HEATR5A: variants seen among roughly 807,000 people sequenced by gnomAD.
HEATR5A encodes HEAT repeat containing 5A, also known as HEAT repeat-containing protein 5A.
HEATR5A carries 178 observed loss-of-function variants against 218.8 expected under a neutral mutation model. That is an observed-to-expected ratio of 0.81 (90% CI 0.72 to 0.92). HEATR5A has a LOEUF of 0.92. Ranked by LOEUF, HEATR5A falls within the 40% of genes least tolerant of loss-of-function variation. The probability of loss-of-function intolerance (pLI) is 0.00; values close to 1 mark genes in which losing one functional copy is unlikely to be tolerated. For missense variants in HEATR5A, 2,420 were observed against 2,418.9 expected (o/e 1.00, Z -0.01); for synonymous variants, 864 against 871.6 (o/e 0.99, Z 0.15).
At chr14:31,366,314 G>C (rs1209159437) in intron 13 of HEATR5A, among the ~76,000 whole-genome samples, 1 of 152,086 alleles carries the variant, frequency 6.6e-6, no homozygotes, top group Non-Finnish European at 1.5e-5. Context: ...GAATTTTTTA[G>C]TTACCAAATT....
At chr14:31,393,837 C>A (rs1254600562) in intron 6 of HEATR5A, among the ~76,000 whole-genome samples, 1 of 152,038 alleles carries the variant, frequency 6.6e-6, no homozygotes, top group East Asian at 1.9e-4. Flanking sequence ...TTAGTATAGA[C>A]GGGTCTCACC....
In HEATR5A at chr14:31,388,964, C is replaced by G; in HGVS notation, c.814G>C (p.Val272Leu). The G allele has an allele frequency of 1.2e-6, 2 of 1,613,714 alleles. No homozygotes were observed. The highest frequency in any genetic ancestry group is 1.7e-6 in the Non-Finnish European group (2 of 1,179,722). The change falls in exon 7 of 36, where the codon GTT becomes CTT. Residue 272 changes from valine to leucine, a missense_variant. Val to Leu is a conservative substitution (Grantham distance 32, BLOSUM62 1). Coordinates refer to ENST00000543095, the MANE Select transcript of HEATR5A (RefSeq NM_015473.4). ...QSIRRVSLEE[V>L]LELLGTGFLR... ...AACCCTGTTCCTAGTAATTCCAGAACTTCCTCCAAAGATACTCTGCGAATG... is the reference window on the plus strand; with the variant it reads ...AACCCTGTTCCTAGTAATTCCAGAAGTTCCTCCAAAGATACTCTGCGAATG...
intron 22 of HEATR5A, among the ~76,000 whole-genome samples, chr14:31,332,719 C>T (rs1312667414): frequency 2.6e-5 from 4 of 152,094 alleles, no homozygotes; most frequent in African/African-American, 7.2e-5. Context: ...TCAAATCAGG[C>T]TCAGGCCTGT....
chr14:31,328,174 G>C (rs556669640), intron 22 of HEATR5A, among the ~76,000 whole-genome samples: 2 of 151,834 alleles, frequency 1.3e-5, no homozygotes, highest in South Asian at 4.2e-4. Flanking sequence ...GGCTGGTCTC[G>C]AACTCCTGAC....
chr14:31,351,386 A>C (rs1384813835), intron 16 of HEATR5A, among the ~76,000 whole-genome samples: 1 of 151,996 alleles, frequency 6.6e-6, no homozygotes, highest in East Asian at 1.9e-4. Context: ...CTAGCTACCC[A>C]GGAGGCTGAA....
rs1192112975 is a variant in HEATR5A at position 31,293,497 on chromosome 14, A to AT, written c.5948dup (p.Asn1983LysfsTer14). On this transcript the variant is annotated frameshift_variant, in exon 36 of 36. Transcript: ENST00000543095. LOFTEE classifies it high-confidence loss of function. ...AATACTGAGGTCCAATTTGCATGAG[A>AT]TTTTGTAGAGCAAAGTCATGTAAAT... 7 of 1,613,958 alleles carry AT rather than the reference A, an allele frequency of 4.3e-6. No homozygotes were observed. In the South Asian group the frequency reaches 6.6e-5, roughly 15 times the overall value.
chr14:31,367,985 CA>C (rs1257945691), intron 13 of HEATR5A, among the ~76,000 whole-genome samples: 1 of 151,880 alleles, frequency 6.6e-6, no homozygotes, highest in African/African-American at 2.4e-5. Flanking sequence ...TATTTAAAAA[CA>C]AAACGAAACT....
intron 1 of HEATR5A, among the ~76,000 whole-genome samples, chr14:31,405,634 A>C (rs2031035115): frequency 6.6e-6 from 1 of 152,194 alleles, no homozygotes; most frequent in African/African-American, 2.4e-5. Flanking sequence ...TAAATACAGA[A>C]AAGGCGAAAA....
chr14:31,395,647 G>A (rs575800169), intron 4 of HEATR5A, among the ~76,000 whole-genome samples: 1 of 152,286 alleles, frequency 6.6e-6, no homozygotes, highest in East Asian at 1.9e-4. Context: ...ATAAATAGTT[G>A]CTATAGTCTA....
chr14:31,367,734 T>C (rs986318188), intron 13 of HEATR5A, among the ~76,000 whole-genome samples: 1 of 151,684 alleles, frequency 6.6e-6, no homozygotes, highest in Non-Finnish European at 1.5e-5. Context: ...AAAATTTCAA[T>C]AGAAGATCAA....
chr14:31,395,922 T>C (rs2030635066), intron 4 of HEATR5A, among the ~76,000 whole-genome samples: 1 of 152,232 alleles, frequency 6.6e-6, no homozygotes, highest in African/African-American at 2.4e-5. Flanking sequence ...TGAAAAAACC[T>C]GGGTTTGAAC....
chr14:31,331,019 G>T (rs1279118577), intron 22 of HEATR5A, among the ~76,000 whole-genome samples: 5 of 136,638 alleles, frequency 3.7e-5, no homozygotes, highest in Admixed American at 1.6e-4. Flanking sequence ...TCAACTCACT[G>T]CAGCCTCTGC....
rs779436426 is a variant in HEATR5A, at chr14:31,394,050, A to T, written c.772+2T>A. On this transcript the variant is annotated splice_donor_variant, in intron 6 of 35. Transcript: ENST00000543095. LOFTEE classifies it high-confidence loss of function. ...ACTTTGAAAATAATTACATGTATTT[A>T]CCTGTTCCTGGATGTTTAGAAATTA... 6.6e-7 allele frequency: 1 copy of T among 1,504,276 alleles called. No homozygotes were observed. The highest frequency in any genetic ancestry group is 8.9e-7 in the Non-Finnish European group (1 of 1,127,020). 93.2% of individuals were successfully genotyped at this position (1,504,276 alleles called of 1,614,324 possible).
At chr14:31,319,128 A>G (rs1900006760) in intron 25 of HEATR5A, among the ~76,000 whole-genome samples, 1 of 152,178 alleles carries the variant, frequency 6.6e-6, no homozygotes, top group Non-Finnish European at 1.5e-5. Context: ...GTTGAATTAT[A>G]ATATTTCATT....
At position 31,308,302 on chromosome 14, in the gene HEATR5A, G is replaced by A. The variant is rs535626074; in HGVS notation, c.4691-282C>T. Among the ~76,000 whole-genome samples the A allele has an allele frequency of 3.9e-5, 6 of 152,206 alleles. 1 individual carries two copies. Among genetic ancestry groups the A allele is most frequent in the African/African-American group, 1.4e-4 (6 of 41,518 alleles). On this transcript the variant is annotated intron_variant, in intron 29 of 35. Coordinates refer to ENST00000543095, the MANE Select transcript of HEATR5A (RefSeq NM_015473.4). ...GTGGGCGGATCATCTGAGGTCAGGA[G>A]TTTGAGACCAGCCTGACCAACATGG...
At position 31,326,245 on chromosome 14, in the gene HEATR5A, T is replaced by G. The variant is rs757295348; in HGVS notation, c.3465A>C (p.Leu1155Phe). The change falls in exon 23 of 36, where the codon TTA becomes TTC. Residue 1155 changes from leucine (L) to phenylalanine (F), a missense_variant. Coordinates refer to ENST00000543095, the MANE Select transcript of HEATR5A (RefSeq NM_015473.4). ...CTGCCATAGATGTAAGCATATAATT[T>G]AAAGTCTCTTTGATATCATGGCATA... ...ERLCHDIKETLNYMLTSMAVE... is the reference protein window; with the variant it reads ...ERLCHDIKETFNYMLTSMAVE... The G allele has an allele frequency of 6.2e-7, 1 of 1,613,130 alleles. No individual in the cohort carries two copies.
intron 33 of HEATR5A, among the ~76,000 whole-genome samples, 192 bp downstream of exon 33, chr14:31,302,103 C>A (rs1487452141): frequency 1.5e-4 from 23 of 151,718 alleles, no homozygotes; most frequent in Non-Finnish European, 4.4e-5. Context: ...AAGTGCTGGG[C>A]TTACAGGTGT....
chr14:31,320,008 AAAC>A (rs750756214), intron 25 of HEATR5A, among the ~76,000 whole-genome samples: 11 of 152,222 alleles, frequency 7.2e-5, no homozygotes, highest in Non-Finnish European at 7.3e-5. Context: ...CTTGTCTCAA[AAAC>A]AACAACAACA....
At chr14:31,409,517 T>C (rs576460895) in intron 1 of HEATR5A, among the ~76,000 whole-genome samples, 2 of 152,110 alleles carry the variant, frequency 1.3e-5, no homozygotes, top group African/African-American at 4.8e-5. Flanking sequence ...CTGGGCAACA[T>C]GGCAAAACCC....
Sources: gnomAD v4.1 joint callset for allele counts (sites outside exome capture counted in the v4.1 genomes callset) on GRCh38, gnomAD v4.1.1 for gene constraint, MANE v1.5 for transcripts, NCBI Gene and HGNC (gene_info 2026-07-23, HGNC 2026-07-21) for gene names.